The following SRFBP1 variants were observed in gnomAD, a reference collection of about 807,000 sequenced individuals.
The protein encoded by SRFBP1 is serum response factor binding protein 1.
SRFBP1 carries 47 observed loss-of-function variants against 45.5 expected under a neutral mutation model. The ratio of observed to expected loss-of-function variants is 1.03; its 90% CI spans 0.82 to 1.32. The LOEUF is 1.32. SRFBP1 is among the 40% of genes most tolerant of loss of function. The pLI is 0.00. For synonymous variants in SRFBP1, 203 were observed against 166.3 expected (o/e 1.22, Z -1.70); for missense variants, 621 against 484.6 (o/e 1.28, Z -2.64).
chr5:122,060,306 G>A (rs540129405), intron 2 of SRFBP1, among the ~76,000 whole-genome samples: 2 of 151,374 alleles, frequency 1.3e-5, no homozygotes, highest in South Asian at 4.2e-4. Context: ...TAATCTTTTT[G>A]CTGGACGTAA....
At chr5:121,985,427 T>C (rs1429401736) in intron 3 of SRFBP1, among the ~76,000 whole-genome samples, 1 of 151,802 alleles carries the variant, frequency 6.6e-6, no homozygotes, top group African/African-American at 2.4e-5. Flanking sequence ...ATTCATGAAG[T>C]CTGTGTAAAG....
At chr5:122,062,880 G>GTA (rs1307449836) in intron 2 of SRFBP1, among the ~76,000 whole-genome samples, 1 of 151,974 alleles carries the variant, frequency 6.6e-6, no homozygotes, top group Non-Finnish European at 1.5e-5. Context: ...GTGTGTGTAT[G>GTA]TGTGTGTTTA....
At chr5:122,030,495 T>C (rs1337931096), downstream of SRFBP1, among the ~76,000 whole-genome samples, 3 of 152,164 alleles carry the variant, frequency 2.0e-5, no homozygotes, top group African/African-American at 7.2e-5. Flanking sequence ...AATGGTTAAC[T>C]GGAAGGCTTA....
intron 3 of SRFBP1, among the ~76,000 whole-genome samples, chr5:121,989,495 C>G (rs1752581672): frequency 6.6e-6 from 1 of 152,184 alleles, no homozygotes; most frequent in Non-Finnish European, 1.5e-5. Flanking sequence ...GTTTCTTTCA[C>G]AATTTTAAGT....
intron 2 of SRFBP1, among the ~76,000 whole-genome samples, chr5:122,051,402 C>A (rs1255010530): frequency 6.6e-6 from 1 of 151,754 alleles, no homozygotes; most frequent in Non-Finnish European, 1.5e-5. Context: ...TCTTTGTAGG[C>A]CTCCAAGAAC....
At chr5:121,995,959 C>T (rs1263488809) in intron 4 of SRFBP1, among the ~76,000 whole-genome samples, 4 of 152,078 alleles carry the variant, frequency 2.6e-5, no homozygotes, top group Non-Finnish European at 5.9e-5. Context: ...CAAGACTAAA[C>T]CAGGAAGAAG....
chr5:121,972,748 G>A (rs1041334983), intron 1 of SRFBP1, among the ~76,000 whole-genome samples: 3 of 151,832 alleles, frequency 2.0e-5, no homozygotes, highest in Non-Finnish European at 4.4e-5. Context: ...GCTGATAGAG[G>A]TTGTGATCAC....
rs779553609 is a variant in SRFBP1, at chr5:122,027,163, A to G, written c.*37A>G. ...TTCTGCAAACTTTTCCATCTAAAAA[A>G]AAAAATGTTTTTTTTAAGACAGGAT... On this transcript the variant is annotated 3_prime_UTR_variant, in exon 8 of 8. Transcript: ENST00000339397. 6.4e-6 allele frequency: 10 copies of G among 1,557,774 alleles called. No individual in the cohort carries two copies. Among genetic ancestry groups the G allele is most frequent in the Non-Finnish European group, 8.7e-6 (10 of 1,148,518 alleles).
chr5:122,008,310 G>A (rs190897089), intron 4 of SRFBP1, among the ~76,000 whole-genome samples: 7 of 152,140 alleles, frequency 4.6e-5, no homozygotes, highest in African/African-American at 1.7e-4. Flanking sequence ...CTGGGACTGC[G>A]GCATTCAACC....
At chr5:122,066,557 T>G in intron 2 of SRFBP1, 1 of 494,348 alleles carries the variant, frequency 2.0e-6, no homozygotes, top group South Asian at 4.5e-5. Context: ...ATTTCCCAAG[T>G]AATGATGACT....
chr5:122,067,053 A>G (rs140789219), intron 2 of SRFBP1, among the ~76,000 whole-genome samples: 1 of 152,246 alleles, frequency 6.6e-6, no homozygotes, highest in East Asian at 1.9e-4. Flanking sequence ...GACCAGGGGA[A>G]TTCATTCCAT....
At chr5:122,026,888 T>C in intron 7 of SRFBP1, 54 bp from the exon 8 acceptor site, 1 of 1,121,108 alleles carries the variant, frequency 8.9e-7, no homozygotes, top group South Asian at 2.5e-5. Context: ...AATTTACTTC[T>C]CCTATATGCT....
rs866885607 is a variant in SRFBP1, at chr5:122,043,375, C to T, written n.311+20968C>T. On this transcript the variant is annotated intron_variant and non_coding_transcript_variant, in intron 2 of 2. Coordinates refer to the SRFBP1 transcript ENST00000504881. ...GGATCACAAGCATGCCTTGCTACACCCGGCTAGGTTTTGTATTTTTAGCAG... is the reference window on the plus strand; with the variant it reads ...GGATCACAAGCATGCCTTGCTACACTCGGCTAGGTTTTGTATTTTTAGCAG... 4.6e-5 allele frequency among the ~76,000 whole-genome samples: 7 copies of T among 151,968 alleles called. 1 individual carries two copies. In the South Asian group the frequency reaches 1.5e-3, roughly 32 times the overall value.
At chr5:122,071,201 G>A (rs1302161068) in intron 2 of SRFBP1, among the ~76,000 whole-genome samples, 1 of 151,472 alleles carries the variant, frequency 6.6e-6, no homozygotes, top group Non-Finnish European at 1.5e-5. Context: ...ATATGTGTGT[G>A]TGTGTGTGTG....
At chr5:122,059,627 C>T (rs1389219209) in intron 2 of SRFBP1, among the ~76,000 whole-genome samples, 2 of 152,226 alleles carry the variant, frequency 1.3e-5, no homozygotes, top group South Asian at 2.1e-4. Flanking sequence ...CTCATTCAAG[C>T]TTCCCATGTT....
downstream of SRFBP1, chr5:122,078,486 C>G (rs1333217084): frequency 6.5e-6 from 1 of 152,802 alleles, no homozygotes; most frequent in African/African-American, 2.4e-5. Flanking sequence ...ACGGAACACA[C>G]ATCCTGAGAC....
At chr5:121,963,813 G>GA (rs986247799) in intron 1 of SRFBP1, among the ~76,000 whole-genome samples, 11 of 151,544 alleles carry the variant, frequency 7.3e-5, no homozygotes, top group South Asian at 4.2e-4. Flanking sequence ...AAAAAGGACA[G>GA]AAAAAAGTGG....
downstream of SRFBP1, among the ~76,000 whole-genome samples, chr5:122,029,484 T>C (rs1753557256): frequency 6.6e-6 from 1 of 152,216 alleles, no homozygotes; most frequent in African/African-American, 2.4e-5. Context: ...CACTAAAGAC[T>C]TGAAAGAACC....
intron 4 of SRFBP1, among the ~76,000 whole-genome samples, chr5:121,995,662 C>T (rs993019326): frequency 6.6e-6 from 1 of 152,104 alleles, no homozygotes; most frequent in African/African-American, 2.4e-5. Context: ...TAACTAAAAT[C>T]AGAGCAGAAC....
Sources: gnomAD v4.1 joint callset for allele counts (sites outside exome capture counted in the v4.1 genomes callset) on GRCh38, gnomAD v4.1.1 for gene constraint, MANE v1.5 for transcripts, NCBI Gene and HGNC (gene_info 2026-07-23, HGNC 2026-07-21) for gene names.